COL14A1: variants seen among roughly 807,000 people sequenced by gnomAD.
COL14A1 encodes the protein collagen type XIV alpha 1 chain, also known as collagen alpha-1(XIV) chain.
A neutral mutation model predicts 230.3 loss-of-function variants in COL14A1; 136 were observed. That is an observed-to-expected ratio of 0.59 (90% CI 0.51 to 0.68). The LOEUF (loss-of-function observed/expected upper bound fraction) is 0.68, where lower values mean the gene tolerates loss of function less well. Ranked by LOEUF, COL14A1 falls within the 30% of genes least tolerant of loss-of-function variation. The probability of loss-of-function intolerance (pLI) is 0.00; values close to 1 mark genes in which losing one functional copy is unlikely to be tolerated. For synonymous variants in COL14A1, 792 were observed against 784.1 expected (o/e 1.01, Z -0.17); for missense variants, 1,976 against 2,215.8 (o/e 0.89, Z 2.17).
In COL14A1 at chr8:120,372,350, T is replaced by A. The variant is rs1441358927; in HGVS notation, c.*1119T>A. 6.6e-6 allele frequency among the ~76,000 whole-genome samples: 1 copy of A among 152,226 alleles called. No individual in the cohort carries two copies. Among genetic ancestry groups the A allele is most frequent in the Non-Finnish European group, 1.5e-5 (1 of 68,036 alleles). On this transcript the variant is annotated 3_prime_UTR_variant, in exon 48 of 48. Coordinates refer to ENST00000297848, the MANE Select transcript of COL14A1 (RefSeq NM_021110.4). The stretch of plus-strand genomic sequence containing the variant: ...TTGACTGAGGAGCCCACCTATCTTC[T>A]GATATTGAGGAAAGCCTAAAAACCC...
In COL14A1 at chr8:120,358,682, C is replaced by A. The variant is rs562036429; in HGVS notation, c.5078-8489C>A. Reference sequence around the variant, plus strand: ...TAAAAGAGAGAGAGAGAAAGAAACTCCTTTTTTAAAAATGTAGGAATGTAT... The same window carrying A: ...TAAAAGAGAGAGAGAGAAAGAAACTACTTTTTTAAAAATGTAGGAATGTAT... On this transcript the variant is annotated intron_variant, in intron 45 of 47. Transcript: ENST00000297848. 2.6e-5 allele frequency among the ~76,000 whole-genome samples: 4 copies of A among 151,328 alleles called. No homozygotes were observed. In the South Asian group the frequency reaches 6.3e-4, roughly 24 times the overall value.
chr8:120,128,660 G>GA (rs1814432726), intron 1 of COL14A1, among the ~76,000 whole-genome samples: 1 of 152,122 alleles, frequency 6.6e-6, no homozygotes. Context: ...GAATATAAAA[G>GA]AGAGTCTATA....
chr8:120,300,883 C>T, intron 36 of COL14A1, 65 bp downstream of exon 36: 1 of 1,268,376 alleles, frequency 7.9e-7, no homozygotes, highest in Non-Finnish European at 1.1e-6. Flanking sequence ...ACTTGTGTGT[C>T]TAATATGTGT....
intron 2 of COL14A1, among the ~76,000 whole-genome samples, chr8:120,154,600 T>A (rs1815400351): frequency 6.6e-6 from 1 of 152,166 alleles, no homozygotes; most frequent in African/African-American, 2.4e-5. Context: ...TGCAATCTCA[T>A]CTTTTACACT....
In COL14A1 at chr8:120,163,356, G is replaced by A. The variant is rs191292530; in HGVS notation, c.349+787G>A. On this transcript the variant is annotated intron_variant, in intron 4 of 47. Transcript: ENST00000297848. ...TTCTCAAATAGTAAATTGGGCATTT[G>A]GAGAAAGGATAGGGTGTGCAGAGGA... Among the ~76,000 whole-genome samples the A allele has an allele frequency of 4.5e-3, 679 of 152,288 alleles. 4 individuals carry two copies. Among genetic ancestry groups the A allele is most frequent in the Non-Finnish European group, 7.7e-3 (523 of 68,028 alleles).
At chr8:120,345,712 ATC>A (rs1822486203) in intron 45 of COL14A1, 149 bp downstream of exon 45, 1 of 744,066 alleles carries the variant, frequency 1.3e-6, no homozygotes, top group African/African-American at 1.9e-5. Context: ...TTGTTTATTT[ATC>A]TCTGAGATTG....
chr8:120,203,480 A>G (rs1817323980), intron 8 of COL14A1, among the ~76,000 whole-genome samples: 1 of 152,114 alleles, frequency 6.6e-6, no homozygotes, highest in African/African-American at 2.4e-5. Context: ...ATTTGTTAGA[A>G]TCAGAGCTAT....
At chr8:120,277,623 T>A (rs1819895013) in intron 26 of COL14A1, 1 of 152,082 alleles carries the variant, frequency 6.6e-6, no homozygotes, top group Admixed American at 6.6e-5. Context: ...CGGGTGCCTC[T>A]GGAAGCCATT....
intron 3 of COL14A1, among the ~76,000 whole-genome samples, chr8:120,161,627 A>G (rs1474838386): frequency 1.3e-5 from 2 of 152,140 alleles, no homozygotes; most frequent in Admixed American, 6.5e-5. Flanking sequence ...AAAAAATTCC[A>G]GTGTAAATAA....
chr8:120,162,038 C>G (rs1230159506), intron 3 of COL14A1, among the ~76,000 whole-genome samples: 3 of 152,150 alleles, frequency 2.0e-5, no homozygotes, highest in Non-Finnish European at 4.4e-5. Flanking sequence ...GTCCTGTAAT[C>G]TTGTACTATG....
intron 45 of COL14A1, among the ~76,000 whole-genome samples, chr8:120,350,781 A>C (rs1178310583): frequency 1.3e-5 from 2 of 149,974 alleles, no homozygotes; most frequent in African/African-American, 4.9e-5. Flanking sequence ...CCCACACATT[A>C]ATAATGGGAG....
intron 40 of COL14A1, among the ~76,000 whole-genome samples, chr8:120,331,750 C>G (rs1017283779): frequency 3.9e-5 from 6 of 152,212 alleles, no homozygotes; most frequent in Admixed American, 2.6e-4. Flanking sequence ...AGACAGATCC[C>G]TCTGATAGAG....
chr8:120,270,257 A>G, intron 26 of COL14A1, 83 bp downstream of exon 26: 16 of 1,358,640 alleles, frequency 1.2e-5, no homozygotes, highest in Non-Finnish European at 1.5e-5. Flanking sequence ...GTCAGGGACT[A>G]TAGGTCAAGA....
chr8:120,318,058 A>G (rs1821295930), intron 40 of COL14A1, among the ~76,000 whole-genome samples: 2 of 152,202 alleles, frequency 1.3e-5, no homozygotes, highest in African/African-American at 4.8e-5. Flanking sequence ...TGAAGGCAAT[A>G]TCATTTCAAT....
intron 45 of COL14A1, among the ~76,000 whole-genome samples, chr8:120,362,883 A>G (rs1823269750): frequency 6.6e-6 from 1 of 152,232 alleles, no homozygotes; most frequent in Admixed American, 6.5e-5. Flanking sequence ...AGGGTATTTT[A>G]ACCTTGGCTA....
intron 13 of COL14A1, among the ~76,000 whole-genome samples, chr8:120,214,719 C>T (rs1470559921): frequency 6.6e-6 from 1 of 151,878 alleles, no homozygotes; most frequent in African/African-American, 2.4e-5. Context: ...ATTATCTAAC[C>T]CCCTGAGATT....
chr8:120,218,130 A>G (rs1817817770), intron 14 of COL14A1, among the ~76,000 whole-genome samples: 2 of 136,982 alleles, frequency 1.5e-5, no homozygotes, highest in Non-Finnish European at 3.1e-5. Context: ...CTATATAAAA[A>G]TATATAATAT....
chr8:120,167,820 T>C (rs1815959437), intron 4 of COL14A1, among the ~76,000 whole-genome samples: 1 of 152,108 alleles, frequency 6.6e-6, no homozygotes, highest in Admixed American at 6.5e-5. Context: ...ACTGGTTTTA[T>C]GAGATAGGTG....
At chr8:120,289,886 G>A in intron 34 of COL14A1, 120 bp downstream of exon 34, 1 of 999,782 alleles carries the variant, frequency 1.0e-6, no homozygotes, top group Non-Finnish European at 1.5e-6. Flanking sequence ...ATGGATGGAT[G>A]AATGAATGGA....
Sources: allele counts gnomAD v4.1 joint callset (sites outside exome capture counted in the v4.1 genomes callset), GRCh38; gene constraint gnomAD v4.1.1; transcripts MANE v1.5; gene names NCBI Gene and HGNC (gene_info 2026-07-23, HGNC 2026-07-21).